Variants in SMYD1 observed in about 807,000 individuals in gnomAD.
SMYD1 encodes the protein SET and MYND domain containing 1.
In SMYD1, 49 loss-of-function variants were observed where a neutral mutation model predicts 54.0. That is an observed-to-expected ratio of 0.91 (90% CI 0.72 to 1.15). The LOEUF is 1.15. Among genes scored for constraint, SMYD1 ranks in the 50% most tolerant of loss-of-function variants. SMYD1 has a pLI of 0.00. For missense variants in SMYD1, 653 were observed against 639.6 expected (o/e 1.02, Z -0.23); for synonymous variants, 269 against 234.2 (o/e 1.15, Z -1.36).
chr2:88,086,756 C>T (rs772487710), intron 2 of SMYD1, among the ~76,000 whole-genome samples: 24 of 151,832 alleles, frequency 1.6e-4, no homozygotes, highest in Non-Finnish European at 2.2e-4. Context: ...TTTCAATCAA[C>T]TTTCTATTAG....
intron 1 of SMYD1, 77 bp downstream of exon 1, chr2:88,068,078 A>G: frequency 6.6e-7 from 1 of 1,506,834 alleles, no homozygotes; most frequent in East Asian, 2.4e-5. Flanking sequence ...GCTCTCAAAA[A>G]TCATCAGGGG....
Position 88,067,837 on chromosome 2 carries a change from C to T in SMYD1, c.-28C>T, listed in dbSNP as rs1280026250. ...AGAGACTTGGCTCAGTGTTAAATAA[C>T]TGCCGCGCTGGCCTGACAGTCTCTG... On this transcript the variant is annotated 5_prime_UTR_variant, in exon 1 of 10. Coordinates refer to ENST00000419482, the MANE Select transcript of SMYD1 (RefSeq NM_198274.4). 2 of 1,608,340 alleles carry T rather than the reference C, an allele frequency of 1.2e-6. No homozygotes were observed. The highest frequency in any genetic ancestry group is 8.5e-7 in the Non-Finnish European group (1 of 1,177,758).
In SMYD1 at chr2:88,110,585, G is replaced by C; in HGVS notation, c.*73G>C. 7.0e-7 allele frequency: 1 copy of C among 1,434,060 alleles called. No individual in the cohort carries two copies. The highest frequency in any genetic ancestry group is 9.2e-7 in the Non-Finnish European group (1 of 1,082,242). The allele number at this position is 1,434,060 out of a possible 1,614,324, so 88.8% of individuals were successfully genotyped here. ...GACTCTGGAGGTGGTGGGTCTCTCG[G>C]GAGACCCCTAATGAGGAAGTTGAGG... is the stretch of plus-strand genomic sequence containing the variant. On this transcript the variant is annotated 3_prime_UTR_variant, in exon 10 of 10. Coordinates refer to ENST00000419482, the MANE Select transcript of SMYD1 (RefSeq NM_198274.4).
In SMYD1 at chr2:88,103,080, A is replaced by G; in HGVS notation, c.911A>G (p.Glu304Gly). The G allele has an allele frequency of 6.2e-7, 1 of 1,614,106 alleles. No individual in the cohort carries two copies. The highest frequency in any genetic ancestry group is 2.2e-5 in the East Asian group (1 of 44,876). ...NPKPSQEVVK[E>G]MIQFSKDTLE... is the part of the protein sequence containing the mutation. ...CAGCCCTCTCAGGAAGTGGTGAAGG[A>G]GATGATACAATTCTCCAAGGATACA... Residue 304 changes from glutamate (E) to glycine (G), a missense_variant, in exon 7 of 10, where the codon GAG (glutamate) becomes GGG (glycine). Glu to Gly is a moderately conservative substitution (Grantham distance 98). Transcript: ENST00000419482.
chr2:88,072,761 T>G (rs1673977733), intron 1 of SMYD1, among the ~76,000 whole-genome samples: 1 of 152,216 alleles, frequency 6.6e-6, no homozygotes, highest in African/African-American at 2.4e-5. Context: ...CTCAAAAAAG[T>G]TGGATTATTT....
At chr2:88,092,775 A>C (rs1674491930) in intron 4 of SMYD1, among the ~76,000 whole-genome samples, 1 of 152,374 alleles carries the variant, frequency 6.6e-6, no homozygotes, top group Admixed American at 6.5e-5. Flanking sequence ...AGAGAGGATC[A>C]AATTCAGCCA....
In SMYD1 at chr2:88,111,964, C is replaced by A; in HGVS notation, c.*1452C>A. The A allele has an allele frequency of 1.5e-6, 1 of 675,882 alleles. No homozygotes were observed. The highest frequency in any genetic ancestry group is 1.6e-5 in the South Asian group (1 of 62,868). 41.9% of individuals were successfully genotyped at this position (675,882 alleles called of 1,614,324 possible). A position where few individuals can be genotyped will look rare whatever the true frequency, so the allele number is the denominator to read the frequency against. ...TATCTCTGCCTAAATGTTAGCTTCT[C>A]CATCCTCACCACATGATGACCTGCT... On this transcript the variant is annotated 3_prime_UTR_variant, in exon 10 of 10. Coordinates refer to ENST00000419482, the MANE Select transcript of SMYD1 (RefSeq NM_198274.4).
chr2:88,080,631 C>G (rs1176124761), intron 1 of SMYD1, among the ~76,000 whole-genome samples: 1 of 152,128 alleles, frequency 6.6e-6, no homozygotes. Flanking sequence ...TCTCTCCTGC[C>G]TTGGGTTTGT....
chr2:88,069,478 G>A (rs1328833497), intron 1 of SMYD1, among the ~76,000 whole-genome samples: 1 of 152,160 alleles, frequency 6.6e-6, no homozygotes, highest in African/African-American at 2.4e-5. Flanking sequence ...TACAGTTAGG[G>A]AGCCAGCTGG....
At chr2:88,074,480 A>C (rs1454404515) in intron 1 of SMYD1, among the ~76,000 whole-genome samples, 1 of 152,068 alleles carries the variant, frequency 6.6e-6, no homozygotes, top group Non-Finnish European at 1.5e-5. Flanking sequence ...TAACTTAATC[A>C]CTCATGCAAA....
intron 2 of SMYD1, among the ~76,000 whole-genome samples, chr2:88,086,819 C>G (rs987257854): frequency 3.3e-5 from 5 of 151,218 alleles, no homozygotes; most frequent in African/African-American, 1.2e-4. Context: ...ATCCTTATCT[C>G]TACCCATCCC....
chr2:88,076,364 G>C (rs981473768), intron 1 of SMYD1, among the ~76,000 whole-genome samples: 1 of 152,110 alleles, frequency 6.6e-6, no homozygotes, highest in African/African-American at 2.4e-5. Context: ...ACAGGCGCCC[G>C]CCACCACGCC....
chr2:88,084,177 T>A, intron 1 of SMYD1, 139 bp from the exon 2 acceptor site: 2 of 654,038 alleles, frequency 3.1e-6, no homozygotes, highest in South Asian at 8.3e-5. Context: ...AAACTCCTCA[T>A]TTTGGAAGGT....
At chr2:88,091,546 T>A (rs1417738632) in intron 4 of SMYD1, among the ~76,000 whole-genome samples, 1 of 152,084 alleles carries the variant, frequency 6.6e-6, no homozygotes, top group Non-Finnish European at 1.5e-5. Flanking sequence ...TGGACAGGGT[T>A]TAAGATACTA....
chr2:88,071,802 G>T (rs894586003), intron 1 of SMYD1, among the ~76,000 whole-genome samples: 1 of 152,204 alleles, frequency 6.6e-6, no homozygotes, highest in Non-Finnish European at 1.5e-5. Context: ...GTGGGTAAAA[G>T]TTGCTCTCTG....
chr2:88,071,425 G>C (rs149602179), intron 1 of SMYD1, among the ~76,000 whole-genome samples: 1 of 152,188 alleles, frequency 6.6e-6, no homozygotes, highest in Non-Finnish European at 1.5e-5. Context: ...AGTCTGGTTA[G>C]GATCTCTTCA....
At chr2:88,085,265 A>G (rs374857057) in intron 2 of SMYD1, among the ~76,000 whole-genome samples, 1 of 152,284 alleles carries the variant, frequency 6.6e-6, no homozygotes, top group African/African-American at 2.4e-5. Flanking sequence ...GGTCATACAC[A>G]TTACACCAGA....
At chr2:88,083,653 T>C (rs773150234) in intron 1 of SMYD1, among the ~76,000 whole-genome samples, 21 of 152,262 alleles carry the variant, frequency 1.4e-4, no homozygotes, top group African/African-American at 1.9e-4. Context: ...ATAACACTAG[T>C]TCACCACACT....
At chr2:88,108,595 G>T in intron 9 of SMYD1, 56 bp downstream of exon 9, 4 of 1,487,522 alleles carry the variant, frequency 2.7e-6, no homozygotes, top group Admixed American at 4.5e-5. Flanking sequence ...TCTGAGGATG[G>T]GAGTGTGAGT....
Sources: allele counts gnomAD v4.1 joint callset (sites outside exome capture counted in the v4.1 genomes callset), GRCh38; gene constraint gnomAD v4.1.1; transcripts MANE v1.5; gene names NCBI Gene and HGNC (gene_info 2026-07-23, HGNC 2026-07-21).